The following CNTNAP2 variants were observed in gnomAD, a reference collection of about 807,000 sequenced individuals.
CNTNAP2 encodes contactin-associated protein-like 2.
In CNTNAP2, 98 loss-of-function variants were observed where a neutral mutation model predicts 155.2. That is an observed-to-expected ratio of 0.63 (90% CI 0.54 to 0.75). The LOEUF is 0.75. Among genes scored for constraint, CNTNAP2 ranks in the 30% least tolerant of loss-of-function variants. CNTNAP2 has a pLI of 0.00. For missense variants in CNTNAP2, 1,727 were observed against 1,688.1 expected, an observed-to-expected ratio of 1.02 and a Z score of -0.40; for synonymous variants, 651 against 631.2, an observed-to-expected ratio of 1.03 and a Z score of -0.47.
chr7:147,243,051 G>T (rs927988428), intron 8 of CNTNAP2, among the ~76,000 whole-genome samples: 2 of 127,136 alleles, frequency 1.6e-5, no homozygotes, highest in Non-Finnish European at 3.1e-5. Flanking sequence ...AGGCTGGAGT[G>T]CAGTGGTGCG....
At chr7:147,475,138 C>G (rs778799795) in intron 10 of CNTNAP2, among the ~76,000 whole-genome samples, 35 of 152,196 alleles carry the variant, frequency 2.3e-4, no homozygotes, top group Middle Eastern at 3.4e-3. Flanking sequence ...AAGTTTCTAA[C>G]CAATAAATAT....
At chr7:146,479,419 G>A (rs1178564883) in intron 1 of CNTNAP2, among the ~76,000 whole-genome samples, 1 of 152,062 alleles carries the variant, frequency 6.6e-6, no homozygotes, top group Admixed American at 6.5e-5. Flanking sequence ...TCATTAAAGT[G>A]TTTAATTCAG....
chr7:146,650,306 A>G (rs1799886075), intron 1 of CNTNAP2, among the ~76,000 whole-genome samples: 1 of 152,186 alleles, frequency 6.6e-6, no homozygotes, highest in South Asian at 2.1e-4. Context: ...AATTCCTATC[A>G]ATGATAGACT....
chr7:148,098,527 C>T (rs898310302), intron 15 of CNTNAP2, among the ~76,000 whole-genome samples: 1 of 143,044 alleles, frequency 7.0e-6, no homozygotes, highest in African/African-American at 2.6e-5. Context: ...TGGATGATTT[C>T]AGAGGCAGAG....
intron 17 of CNTNAP2, among the ~76,000 whole-genome samples, chr7:148,162,023 G>A (rs773263921): frequency 2.0e-5 from 3 of 152,186 alleles, no homozygotes; most frequent in Non-Finnish European, 2.9e-5. Context: ...ATCCGCAAAG[G>A]CTTGTATGTG....
At chr7:146,997,964 A>G (rs1798344286) in intron 3 of CNTNAP2, among the ~76,000 whole-genome samples, 1 of 151,908 alleles carries the variant, frequency 6.6e-6, no homozygotes, top group South Asian at 2.1e-4. Context: ...TGGTTTGTCT[A>G]CTTCATTTAT....
chr7:148,213,349 G>C (rs1795580903), intron 18 of CNTNAP2, among the ~76,000 whole-genome samples: 1 of 152,158 alleles, frequency 6.6e-6, no homozygotes, highest in Non-Finnish European at 1.5e-5. Context: ...TCGGGATGGA[G>C]TAACTGGAGA....
intron 5 of CNTNAP2, among the ~76,000 whole-genome samples, chr7:147,117,207 AC>A (rs1379491844): frequency 7.0e-6 from 1 of 142,782 alleles, no homozygotes; most frequent in Non-Finnish European, 1.5e-5. Flanking sequence ...GTAAAGCTCC[AC>A]CCTGTCTCTG....
chr7:146,930,467 C>T (rs1442010289), intron 3 of CNTNAP2, among the ~76,000 whole-genome samples: 2 of 150,490 alleles, frequency 1.3e-5, no homozygotes, highest in Non-Finnish European at 3.0e-5. Flanking sequence ...ACAACTGGTA[C>T]CAGCCACTGC....
intron 20 of CNTNAP2, among the ~76,000 whole-genome samples, chr7:148,247,663 A>AT (rs1554407444): frequency 9.5e-6 from 1 of 105,266 alleles, no homozygotes; most frequent in African/African-American, 3.6e-5. Context: ...TTATTTATTT[A>AT]TTTTTTTGGA....
At chr7:147,356,810 G>A (rs1270558173) in intron 9 of CNTNAP2, among the ~76,000 whole-genome samples, 3 of 152,064 alleles carry the variant, frequency 2.0e-5, no homozygotes, top group African/African-American at 7.2e-5. Context: ...TGAAATGGAA[G>A]GTCGCTGTAT....
intron 15 of CNTNAP2, among the ~76,000 whole-genome samples, chr7:148,057,881 A>C (rs780426969): frequency 2.0e-5 from 3 of 151,694 alleles, no homozygotes; most frequent in Non-Finnish European, 4.4e-5. Context: ...TCTATCAGAA[A>C]TGTTTTTTCT....
intron 21 of CNTNAP2, among the ~76,000 whole-genome samples, chr7:148,294,020 G>A (rs1918290): frequency 0.78 from 109,107 of 140,766 alleles, 42,318 homozygotes; most frequent in South Asian, 0.91. Flanking sequence ...AGCCTGGGCA[G>A]CAGAGCGAGG....
In CNTNAP2 at chr7:146,707,361, T is replaced by C. The variant is rs962000066; in HGVS notation, c.98-66910T>C. 3.9e-5 allele frequency among the ~76,000 whole-genome samples: 6 copies of C among 152,162 alleles called. No homozygotes were observed. In the South Asian group the frequency reaches 1.2e-3, roughly 31 times the overall value. ...CCATTGTCTTCAGTATAACCTTCAT[T>C]ATAATACAGTGCCTTACTGGAAGGA... is the stretch of plus-strand genomic sequence containing the variant. On this transcript the variant is annotated intron_variant, in intron 1 of 23. Coordinates refer to ENST00000361727, the MANE Select transcript of CNTNAP2 (RefSeq NM_014141.6).
intron 13 of CNTNAP2, among the ~76,000 whole-genome samples, chr7:147,697,816 T>G (rs528897947): frequency 2.0e-5 from 3 of 152,184 alleles, no homozygotes; most frequent in African/African-American, 7.2e-5. Flanking sequence ...AAGGCTGTGA[T>G]GTATTTCAAA....
rs112790716 is a variant in CNTNAP2, at chr7:147,348,952, G to A, written c.1499-46657G>A. 8.1e-3 allele frequency among the ~76,000 whole-genome samples: 1,225 copies of A among 151,980 alleles called. 13 individuals carry two copies. Among genetic ancestry groups the A allele is most frequent in the African/African-American group, 0.028 (1,149 of 41,482 alleles). ...TTAAAAATGTTGATCTCATAGAAGT[G>A]AAAAGTAAAGCACAGGATACTAGAG... On this transcript the variant is annotated intron_variant, in intron 9 of 23. Coordinates refer to ENST00000361727, the MANE Select transcript of CNTNAP2 (RefSeq NM_014141.6).
chr7:146,698,362 A>G (rs530362719), intron 1 of CNTNAP2, among the ~76,000 whole-genome samples: 1 of 152,220 alleles, frequency 6.6e-6, no homozygotes, highest in East Asian at 1.9e-4. Context: ...ATATTACTTC[A>G]AGTTTCATTT....
chr7:146,489,762 A>G (rs1190833707), intron 1 of CNTNAP2, among the ~76,000 whole-genome samples: 1 of 152,082 alleles, frequency 6.6e-6, no homozygotes, highest in Non-Finnish European at 1.5e-5. Flanking sequence ...TGAGCAAGGG[A>G]ATAGCTCTCA....
intron 3 of CNTNAP2, among the ~76,000 whole-genome samples, chr7:146,858,233 A>G (rs1795031274): frequency 6.6e-6 from 1 of 152,200 alleles, no homozygotes; most frequent in Non-Finnish European, 1.5e-5. Context: ...GTTGTCAGGC[A>G]AATATGATAT....
Sources: gnomAD v4.1 joint callset for allele counts (sites outside exome capture counted in the v4.1 genomes callset) on GRCh38, gnomAD v4.1.1 for gene constraint, MANE v1.5 for transcripts, NCBI Gene and HGNC (gene_info 2026-07-23, HGNC 2026-07-21) for gene names.